The following SHTN1 variants were observed in gnomAD, a reference collection of about 807,000 sequenced individuals.
The protein encoded by SHTN1 is shootin 1, also known as shootin-1.
In SHTN1, 42 loss-of-function variants were observed where a neutral mutation model predicts 83.1. The observed-to-expected ratio is 0.51, with a 90% CI of 0.39 to 0.65. The LOEUF (loss-of-function observed/expected upper bound fraction) is 0.65, where lower values mean the gene tolerates loss of function less well. Ranked by LOEUF, SHTN1 falls within the 30% of genes least tolerant of loss-of-function variation. SHTN1 has a pLI of 0.00. For synonymous variants in SHTN1, 224 were observed against 247.7 expected, an observed-to-expected ratio of 0.90 and a Z score of 0.90; for missense variants, 622 against 737.8, an observed-to-expected ratio of 0.84 and a Z score of 1.82.
At chr10:117,098,325 G>T (rs1361556287) in intron 1 of SHTN1, among the ~76,000 whole-genome samples, 1 of 150,958 alleles carries the variant, frequency 6.6e-6, no homozygotes, top group African/African-American at 2.4e-5. Flanking sequence ...TGAACCCAGG[G>T]GGCGGAGCTT....
chr10:117,066,283 T>C (rs975920852), intron 1 of SHTN1, among the ~76,000 whole-genome samples: 3 of 152,170 alleles, frequency 2.0e-5, no homozygotes, highest in African/African-American at 7.2e-5. Flanking sequence ...CAGGTATTCA[T>C]TTATTCCTCT....
intron 2 of SHTN1, among the ~76,000 whole-genome samples, chr10:116,970,401 TGTATCAA>T (rs1850570441): frequency 6.6e-6 from 1 of 152,194 alleles, no homozygotes; most frequent in Non-Finnish European, 1.5e-5. Flanking sequence ...TAAAGCCGTA[TGTATCAA>T]CATAAACGTT....
intron 1 of SHTN1, among the ~76,000 whole-genome samples, chr10:117,098,052 G>T (rs1853531811): frequency 6.6e-6 from 1 of 151,898 alleles, no homozygotes; most frequent in African/African-American, 2.4e-5. Flanking sequence ...TTCCAGTAGT[G>T]AAGATTTTCT....
intron 1 of SHTN1, among the ~76,000 whole-genome samples, chr10:117,075,557 C>T (rs1368006030): frequency 1.3e-5 from 2 of 152,152 alleles, no homozygotes; most frequent in Non-Finnish European, 2.9e-5. Flanking sequence ...TAATTAGAGG[C>T]AATTATCCAC....
At chr10:117,093,208 A>G (rs1452492926) in intron 1 of SHTN1, among the ~76,000 whole-genome samples, 1 of 152,188 alleles carries the variant, frequency 6.6e-6, no homozygotes, top group East Asian at 1.9e-4. Flanking sequence ...TAGCATGCCC[A>G]GATACATACA....
chr10:117,108,856 G>A (rs557819656), intron 1 of SHTN1, among the ~76,000 whole-genome samples: 5 of 152,236 alleles, frequency 3.3e-5, no homozygotes, highest in South Asian at 2.1e-4. Flanking sequence ...ATAGACCTGG[G>A]TACATATGCC....
At chr10:117,068,997 G>A (rs1333865787) in intron 1 of SHTN1, among the ~76,000 whole-genome samples, 1 of 151,946 alleles carries the variant, frequency 6.6e-6, no homozygotes, top group Non-Finnish European at 1.5e-5. Context: ...GACAAGAAAA[G>A]GGAAGAAAAA....
chr10:117,080,892 G>C (rs1291350044), intron 1 of SHTN1, among the ~76,000 whole-genome samples: 7 of 143,950 alleles, frequency 4.9e-5, no homozygotes, highest in African/African-American at 1.5e-4. Context: ...TTTGTATCCT[G>C]AGACTTTGCT....
chr10:116,948,949 C>A lies in SHTN1; in HGVS notation c.583G>T (p.Glu195Ter). ...EKTVLNSEVLEQRKVLEKCNR... is the reference protein window; with the variant it reads ...EKTVLNSEVL ...CATTTTTCTAAGACTTTTCTCTGTT[C>A]AAGAACTTCTGAATTTAAAACAGTC... is the stretch of plus-strand genomic sequence containing the variant. Residue 195 changes from glutamate (E) to a stop codon, truncating the protein, a stop_gained, in exon 7 of 17, where the codon GAA (glutamate) becomes TAA (stop). Coordinates refer to ENST00000355371, the MANE Select transcript of SHTN1 (RefSeq NM_001127211.3). LOFTEE classifies it high-confidence loss of function. 1 of 1,576,570 alleles carries A rather than the reference C, an allele frequency of 6.3e-7. No individual in the cohort carries two copies. The highest frequency in any genetic ancestry group is 1.2e-5 in the South Asian group (1 of 82,162).
At chr10:117,047,268 T>C (rs1329822596) in intron 2 of SHTN1, among the ~76,000 whole-genome samples, 2 of 152,132 alleles carry the variant, frequency 1.3e-5, no homozygotes, top group African/African-American at 4.8e-5. Flanking sequence ...GGTTTCACCA[T>C]CTTGGCCAGG....
intron 1 of SHTN1, among the ~76,000 whole-genome samples, chr10:116,986,030 A>G (rs1851206814): frequency 6.6e-6 from 1 of 152,228 alleles, no homozygotes; most frequent in African/African-American, 2.4e-5. Flanking sequence ...TATTCATTAC[A>G]TGGTAAAACA....
chr10:116,993,022 T>TG (rs1218933531), intron 1 of SHTN1, among the ~76,000 whole-genome samples: 1 of 142,804 alleles, frequency 7.0e-6, no homozygotes, highest in Non-Finnish European at 1.5e-5. Context: ...TTTTTCTTTT[T>TG]TTTTTTTTTT....
chr10:117,115,418 C>T (rs558837916), intron 1 of SHTN1, among the ~76,000 whole-genome samples: 92 of 152,286 alleles, frequency 6.0e-4, no homozygotes, highest in Non-Finnish European at 5.6e-4. Flanking sequence ...CTGTCATCAG[C>T]GCTCAGGGAA....
chr10:116,918,320 T>C (rs1337063360), intron 12 of SHTN1, among the ~76,000 whole-genome samples: 1 of 151,022 alleles, frequency 6.6e-6, no homozygotes. Flanking sequence ...AATAAGTTAG[T>C]TCCTTATAAA....
intron 1 of SHTN1, among the ~76,000 whole-genome samples, chr10:117,054,712 CCTTAT>C (rs201747005): frequency 0.011 from 1,633 of 151,850 alleles, 29 homozygotes; most frequent in African/African-American, 0.037. Context: ...TGGCCAGCAT[CCTTAT>C]CTTAACTTAA....
chr10:117,062,796 C>T (rs1054293708), intron 1 of SHTN1, among the ~76,000 whole-genome samples: 10 of 152,056 alleles, frequency 6.6e-5, no homozygotes, highest in Admixed American at 1.3e-4. Flanking sequence ...GTGTACTGAG[C>T]CAAACAGTTT....
At position 117,106,054 on chromosome 10, in the gene SHTN1, G is replaced by A. The variant is rs558316526; in HGVS notation, c.-189+20253C>T. Among the ~76,000 whole-genome samples, 100 of 152,068 alleles carry A rather than the reference G, an allele frequency of 6.6e-4. 2 individuals are homozygous for A. In the South Asian group the frequency reaches 0.02, roughly 30 times the overall value. On this transcript the variant is annotated intron_variant, in intron 1 of 17. Transcript: ENST00000392901. Reference sequence around the variant, plus strand: ...ATAAATACCAGGCAAAAGTTGGAGTGAGCCGAGGTCGCACCACTGCATTCC... The same window carrying A: ...ATAAATACCAGGCAAAAGTTGGAGTAAGCCGAGGTCGCACCACTGCATTCC...
intron 1 of SHTN1, 53 bp downstream of exon 1, chr10:117,004,969 G>A (rs1338875397): frequency 2.0e-6 from 3 of 1,530,112 alleles, no homozygotes; most frequent in East Asian, 2.4e-5. Context: ...CCCTGGGGCC[G>A]TCCCCGCCCA....
chr10:116,899,709 A>G (rs2133320072), intron 16 of SHTN1, among the ~76,000 whole-genome samples: 1 of 152,352 alleles, frequency 6.6e-6, no homozygotes, highest in African/African-American at 2.4e-5. Context: ...AGTGTTAACT[A>G]CTAGAATGCA....
Sources: gnomAD v4.1 joint callset for allele counts (sites outside exome capture counted in the v4.1 genomes callset) on GRCh38, gnomAD v4.1.1 for gene constraint, MANE v1.5 for transcripts, NCBI Gene and HGNC (gene_info 2026-07-23, HGNC 2026-07-21) for gene names.